The following MEF2C variants were observed in gnomAD, a reference collection of about 807,000 sequenced individuals.
MEF2C encodes myocyte enhancer factor 2C.
A neutral mutation model predicts 50.5 loss-of-function variants in MEF2C; 6 were observed. That is an observed-to-expected ratio of 0.12 (90% CI 0.07 to 0.23). The LOEUF is 0.23. Ranked by LOEUF, MEF2C falls within the 10% of genes least tolerant of loss-of-function variation. The pLI is 1.00. For synonymous variants in MEF2C, 183 were observed against 228.0 expected, an observed-to-expected ratio of 0.80 and a Z score of 1.78; for missense variants, 276 against 605.0, an observed-to-expected ratio of 0.46 and a Z score of 5.70.
At chr5:88,826,800 A>G (rs921545757) in intron 1 of MEF2C, among the ~76,000 whole-genome samples, 1 of 151,952 alleles carries the variant, frequency 6.6e-6, no homozygotes, top group African/African-American at 2.4e-5. Context: ...ATTACGTACA[A>G]TCAACCATAA....
intron 1 of MEF2C, among the ~76,000 whole-genome samples, chr5:88,841,235 C>T (rs578026449): frequency 1.3e-5 from 2 of 152,252 alleles, no homozygotes; most frequent in African/African-American, 4.8e-5. Flanking sequence ...TAGGGCCGGG[C>T]ACTGTGGCTC....
intron 2 of MEF2C, among the ~76,000 whole-genome samples, chr5:88,821,276 T>C (rs1808219696): frequency 6.6e-6 from 1 of 152,000 alleles, no homozygotes; most frequent in South Asian, 2.1e-4. Context: ...GTTTGTTTTT[T>C]GTTTTTTTGA....
chr5:88,752,288 A>G (rs1773185730), intron 4 of MEF2C, among the ~76,000 whole-genome samples: 1 of 152,238 alleles, frequency 6.6e-6, no homozygotes, highest in African/African-American at 2.4e-5. Context: ...GCCCCATTTC[A>G]TTAGACTCCA....
chr5:88,892,042 T>G (rs1561494414), intron 1 of MEF2C: 2 of 152,170 alleles, frequency 1.3e-5, no homozygotes, highest in Non-Finnish European at 1.5e-5. Flanking sequence ...AAAGTGTAGA[T>G]TTACATTTTT....
intron 7 of MEF2C, among the ~76,000 whole-genome samples, chr5:88,730,964 T>C (rs1471672557): frequency 2.0e-5 from 3 of 152,196 alleles, no homozygotes; most frequent in Non-Finnish European, 4.4e-5. Context: ...TGTAAGTCTC[T>C]TTGTTGTTGA....
At chr5:88,843,335 T>A (rs565337845) in intron 1 of MEF2C, 1 of 984,636 alleles carries the variant, frequency 1.0e-6, no homozygotes. Context: ...TTGTGTGTTA[T>A]TTAAATTTGG....
chr5:88,884,969 T>C (rs976402272), upstream of MEF2C, among the ~76,000 whole-genome samples: 1 of 152,132 alleles, frequency 6.6e-6, no homozygotes, highest in South Asian at 2.1e-4. Flanking sequence ...ATAGATTACA[T>C]AAAATGTTTA....
At chr5:88,786,367 T>C (rs909280123) in intron 3 of MEF2C, among the ~76,000 whole-genome samples, 6 of 152,126 alleles carry the variant, frequency 3.9e-5, no homozygotes, top group African/African-American at 1.4e-4. Context: ...GCGAGAAAAG[T>C]TGAAGAACTG....
chr5:88,838,213 A>G (rs1402539214), intron 1 of MEF2C, among the ~76,000 whole-genome samples: 1 of 152,230 alleles, frequency 6.6e-6, no homozygotes, highest in Admixed American at 6.5e-5. Flanking sequence ...GGTGGAATCT[A>G]CAAATTATTT....
At chr5:88,782,554 A>G (rs1212672639) in intron 3 of MEF2C, among the ~76,000 whole-genome samples, 1 of 152,206 alleles carries the variant, frequency 6.6e-6, no homozygotes, top group African/African-American at 2.4e-5. Flanking sequence ...TTTTTAATAC[A>G]CTGTATGTGA....
intron 2 of MEF2C, among the ~76,000 whole-genome samples, chr5:88,818,270 C>CA: frequency 6.6e-6 from 1 of 152,022 alleles, no homozygotes; most frequent in South Asian, 2.1e-4. Flanking sequence ...CAAGCACCCC[C>CA]AAAACCATCT....
At chr5:88,820,834 C>G (rs1807989451) in intron 2 of MEF2C, among the ~76,000 whole-genome samples, 1 of 152,006 alleles carries the variant, frequency 6.6e-6, no homozygotes, top group Non-Finnish European at 1.5e-5. Context: ...AATTTAGGCT[C>G]TTTCCCAAAT....
chr5:88,812,631 A>G (rs924613863), intron 2 of MEF2C, among the ~76,000 whole-genome samples: 10 of 152,118 alleles, frequency 6.6e-5, no homozygotes, highest in African/African-American at 1.9e-4. Flanking sequence ...CAACGATTTT[A>G]TAATTAATTA....
intron 1 of MEF2C, chr5:88,827,159 A>T (rs1468380014): frequency 6.6e-6 from 1 of 151,888 alleles, no homozygotes; most frequent in Non-Finnish European, 1.5e-5. Flanking sequence ...GATGCTAAAG[A>T]TCATTCTCCC....
At chr5:88,831,802 C>A (rs2153232186) in intron 1 of MEF2C, among the ~76,000 whole-genome samples, 1 of 152,204 alleles carries the variant, frequency 6.6e-6, no homozygotes, top group East Asian at 1.9e-4. Context: ...GCATCCTAAT[C>A]AACCTAATTA....
Position 88,722,398 on chromosome 5 carries a change from A to G in MEF2C, c.*206T>C. 1 of 538,180 alleles carries G rather than the reference A, an allele frequency of 1.9e-6. No homozygotes were observed. Among genetic ancestry groups the G allele is most frequent in the Non-Finnish European group, 3.3e-6 (1 of 304,966 alleles). 33.3% of individuals were successfully genotyped at this position (538,180 alleles called of 1,614,324 possible). Reference sequence around the variant, plus strand: ...GTACAAGTGTTCTGTTGTACAACTCAAGTGCTAAGCTTATCTCAGCATTTC... The same window carrying G: ...GTACAAGTGTTCTGTTGTACAACTCGAGTGCTAAGCTTATCTCAGCATTTC... On this transcript the variant is annotated 3_prime_UTR_variant, in exon 11 of 11. Coordinates refer to ENST00000504921, the MANE Select transcript of MEF2C (RefSeq NM_002397.5).
intron 1 of MEF2C, among the ~76,000 whole-genome samples, chr5:88,855,171 T>C (rs551881899): frequency 6.6e-6 from 1 of 152,222 alleles, no homozygotes; most frequent in Non-Finnish European, 1.5e-5. Context: ...TTTAAACAGC[T>C]GTTTTTAAAT....
chr5:88,784,057 A>G (rs1194530319), intron 3 of MEF2C, among the ~76,000 whole-genome samples: 2 of 152,266 alleles, frequency 1.3e-5, no homozygotes, highest in African/African-American at 4.8e-5. Flanking sequence ...ATAATTTGCA[A>G]TATAAGTCTA....
chr5:88,811,489 A>G (rs888457414), intron 2 of MEF2C, among the ~76,000 whole-genome samples: 2 of 152,118 alleles, frequency 1.3e-5, no homozygotes, highest in Non-Finnish European at 2.9e-5. Flanking sequence ...GACCTTTAAA[A>G]TATTTATTCT....
Sources: gnomAD v4.1 joint callset for allele counts (sites outside exome capture counted in the v4.1 genomes callset) on GRCh38, gnomAD v4.1.1 for gene constraint, MANE v1.5 for transcripts, NCBI Gene and HGNC (gene_info 2026-07-23, HGNC 2026-07-21) for gene names.